Variants in DKK2 observed in about 807,000 individuals in gnomAD.
DKK2 encodes dickkopf-related protein 2.
Under a neutral mutation model 28.1 loss-of-function variants are expected in DKK2, and 11 were observed. The observed-to-expected ratio is 0.39, with a 90% CI of 0.25 to 0.65. DKK2 has a LOEUF of 0.65. Among genes scored for constraint, DKK2 ranks in the 30% least tolerant of loss-of-function variants. The pLI is 0.47. For missense variants in DKK2, 326 were observed against 335.5 expected, an observed-to-expected ratio of 0.97 and a Z score of 0.22; for synonymous variants, 135 against 126.5, an observed-to-expected ratio of 1.07 and a Z score of -0.45.
In DKK2 at chr4:106,988,064, C is replaced by T. The variant is rs1295091750; in HGVS notation, c.222+47306G>A. ...TATTTTTAATAGAGACAGGGTTTCA[C>T]CATGTTAGCCAGGATGGTCTCAATC... On this transcript the variant is annotated intron_variant, in intron 1 of 3. Transcript: ENST00000285311. Among the ~76,000 whole-genome samples the T allele has an allele frequency of 2.0e-5, 3 of 152,128 alleles. No homozygotes were observed. In the East Asian group the frequency reaches 5.8e-4, roughly 29 times the overall value.
rs549629826 is a variant in DKK2, at chr4:107,013,078, T to C, written c.222+22292A>G. ...AGTGTAGCTCCCCTATCCCAACTCC[T>C]TGACTCCCTCCAAAATTACCACTAT... is the stretch of plus-strand genomic sequence containing the variant. On this transcript the variant is annotated intron_variant, in intron 1 of 3. Transcript: ENST00000285311. Among the ~76,000 whole-genome samples, 155 of 151,342 alleles carry C rather than the reference T, an allele frequency of 1.0e-3. 3 individuals carry two copies. The South Asian group carries it at 0.012, about 12-fold the overall frequency.
At chr4:106,959,336 T>G (rs1167310497) in intron 1 of DKK2, among the ~76,000 whole-genome samples, 1 of 152,182 alleles carries the variant, frequency 6.6e-6, no homozygotes, top group Non-Finnish European at 1.5e-5. Flanking sequence ...TGTTTTTGAT[T>G]GATCTCATTC....
At chr4:106,993,159 C>T (rs1560587873) in intron 1 of DKK2, among the ~76,000 whole-genome samples, 2 of 152,214 alleles carry the variant, frequency 1.3e-5, no homozygotes, top group Admixed American at 6.5e-5. Flanking sequence ...CAGAGCATAA[C>T]CTCTGGAGTC....
At chr4:106,988,153 C>T (rs1057192095) in intron 1 of DKK2, among the ~76,000 whole-genome samples, 16 of 152,318 alleles carry the variant, frequency 1.1e-4, no homozygotes, top group East Asian at 1.9e-4. Context: ...CGTGAGCCAC[C>T]GCACCCGGCC....
intron 1 of DKK2, among the ~76,000 whole-genome samples, chr4:107,001,406 G>A (rs958935445): frequency 6.6e-6 from 1 of 152,166 alleles, no homozygotes; most frequent in Non-Finnish European, 1.5e-5. Context: ...TTATAATAGA[G>A]ATTTGGGCAA....
intron 1 of DKK2, among the ~76,000 whole-genome samples, chr4:106,958,837 C>CAAAAAAA (rs767389620): frequency 1.5e-5 from 1 of 67,038 alleles, no homozygotes; most frequent in Non-Finnish European, 3.4e-5. Flanking sequence ...AACTCAATCT[C>CAAAAAAA]AAAAAAAAAA....
At chr4:107,004,076 A>G (rs1723402437) in intron 1 of DKK2, among the ~76,000 whole-genome samples, 1 of 152,228 alleles carries the variant, frequency 6.6e-6, no homozygotes, top group Admixed American at 6.5e-5. Flanking sequence ...GATACAGAAC[A>G]AGAATCAATA....
intron 1 of DKK2, among the ~76,000 whole-genome samples, chr4:106,968,136 G>A (rs777779666): frequency 8.6e-6 from 1 of 116,064 alleles, no homozygotes; most frequent in African/African-American, 2.7e-5. Flanking sequence ...AGGGAGGAAG[G>A]AAGGAAGAGA....
At chr4:106,996,022 T>G (rs1043571785) in intron 1 of DKK2, among the ~76,000 whole-genome samples, 10 of 152,188 alleles carry the variant, frequency 6.6e-5, no homozygotes, top group Admixed American at 5.2e-4. Context: ...GACTCTTAAT[T>G]CTGTGATACT....
At chr4:106,959,597 G>A (rs891987069) in intron 1 of DKK2, among the ~76,000 whole-genome samples, 2 of 151,818 alleles carry the variant, frequency 1.3e-5, no homozygotes, top group East Asian at 3.9e-4. Flanking sequence ...GGAACAGAAT[G>A]GTGTGATTTT....
At chr4:106,994,144 T>C (rs1723240288) in intron 1 of DKK2, among the ~76,000 whole-genome samples, 1 of 152,202 alleles carries the variant, frequency 6.6e-6, no homozygotes, top group African/African-American at 2.4e-5. Flanking sequence ...GTCTCTCCAC[T>C]ATTAAGTTCA....
chr4:106,987,177 A>G (rs949139268), intron 1 of DKK2, among the ~76,000 whole-genome samples: 5 of 152,226 alleles, frequency 3.3e-5, no homozygotes, highest in African/African-American at 4.8e-5. Flanking sequence ...ATCCATATTC[A>G]TATACATATA....
At position 106,980,320 on chromosome 4, in the gene DKK2, T is replaced by C. The variant is rs141498229; in HGVS notation, c.223-54371A>G. Among the ~76,000 whole-genome samples the C allele has an allele frequency of 5.1e-4, 78 of 152,258 alleles. 1 individual carries two copies. The East Asian group carries it at 0.014, about 28-fold the overall frequency. On this transcript the variant is annotated intron_variant, in intron 1 of 3. Coordinates refer to ENST00000285311, the MANE Select transcript of DKK2 (RefSeq NM_014421.3). ...AGATATCTATGTGTATGTACATATATACACAGGTATATGCATATGTCTATC... is the reference window on the plus strand; with the variant it reads ...AGATATCTATGTGTATGTACATATACACACAGGTATATGCATATGTCTATC...
At chr4:106,960,030 T>C (rs1722661956) in intron 1 of DKK2, among the ~76,000 whole-genome samples, 1 of 151,744 alleles carries the variant, frequency 6.6e-6, no homozygotes, top group Non-Finnish European at 1.5e-5. Flanking sequence ...CTTTTTATTA[T>C]ATTTTTTATT....
At chr4:106,972,755 T>C (rs1722886089) in intron 1 of DKK2, among the ~76,000 whole-genome samples, 1 of 152,166 alleles carries the variant, frequency 6.6e-6, no homozygotes, top group African/African-American at 2.4e-5. Flanking sequence ...CTTTTTGTTT[T>C]ATACTTTAAG....
At chr4:106,975,802 TG>T (rs1722937053) in intron 1 of DKK2, among the ~76,000 whole-genome samples, 2 of 152,190 alleles carry the variant, frequency 1.3e-5, no homozygotes, top group African/African-American at 4.8e-5. Flanking sequence ...TGTTTGCTCT[TG>T]CTTCTCTAAT....
At chr4:106,982,323 G>A (rs1358065278) in intron 1 of DKK2, among the ~76,000 whole-genome samples, 1 of 152,130 alleles carries the variant, frequency 6.6e-6, no homozygotes, top group African/African-American at 2.4e-5. Flanking sequence ...GAAGAAAGAA[G>A]TGCACAGAAT....
intron 1 of DKK2, among the ~76,000 whole-genome samples, chr4:106,985,756 C>T (rs1045265035): frequency 4.0e-5 from 6 of 148,936 alleles, no homozygotes; most frequent in African/African-American, 7.5e-5. Context: ...TTGCAGTGAG[C>T]TGAGATCACA....
intron 1 of DKK2, among the ~76,000 whole-genome samples, chr4:106,927,152 TGG>T (rs1272838563): frequency 6.6e-5 from 10 of 152,262 alleles, no homozygotes; most frequent in African/African-American, 2.2e-4. Context: ...AAAATGGTTA[TGG>T]CTCTCAAATA....
Sources: allele counts gnomAD v4.1 joint callset (sites outside exome capture counted in the v4.1 genomes callset), GRCh38; gene constraint gnomAD v4.1.1; transcripts MANE v1.5; gene names NCBI Gene and HGNC (gene_info 2026-07-23, HGNC 2026-07-21).